PID1: variants seen among roughly 807,000 people sequenced by gnomAD.
PID1 encodes phosphotyrosine interaction domain containing 1.
Under a neutral mutation model 19.1 loss-of-function variants are expected in PID1, and 10 were observed. The ratio of observed to expected loss-of-function variants is 0.52; its 90% confidence interval spans 0.32 to 0.89. The LOEUF (loss-of-function observed/expected upper bound fraction) is 0.89. PID1 is among the 40% of genes least tolerant of loss of function. PID1 has a pLI of 0.03. For synonymous variants in PID1, 130 were observed against 116.0 expected (o/e 1.12, Z -0.78); for missense variants, 248 against 285.3 (o/e 0.87, Z 0.94).
chr2:229,215,741 C>G (rs73998590), intron 1 of PID1, among the ~76,000 whole-genome samples: 5,450 of 152,168 alleles, frequency 0.036, 284 homozygotes, highest in African/African-American at 0.12. Flanking sequence ...ACAGATATGG[C>G]AGAGAAATGT....
At chr2:229,206,694 C>T (rs1230560341) in intron 1 of PID1, among the ~76,000 whole-genome samples, 2 of 152,170 alleles carry the variant, frequency 1.3e-5, no homozygotes, top group Admixed American at 6.5e-5. Context: ...TATTGGTACC[C>T]GTAGTTCTAT....
chr2:229,261,475 G>A (rs149058032), intron 1 of PID1, among the ~76,000 whole-genome samples: 21 of 152,290 alleles, frequency 1.4e-4, no homozygotes, highest in African/African-American at 4.6e-4. Flanking sequence ...GCAGGATTCC[G>A]CTCTCACCTG....
intron 1 of PID1, among the ~76,000 whole-genome samples, chr2:229,164,439 C>T (rs1431136193): frequency 5.3e-5 from 8 of 152,180 alleles, no homozygotes; most frequent in African/African-American, 1.7e-4. Context: ...ACATGTCTGT[C>T]TGTCATTGCA....
In PID1 at chr2:229,220,338, G is replaced by C. The variant is rs956135318; in HGVS notation, c.30+50676C>G. On this transcript the variant is annotated intron_variant, in intron 1 of 2. Transcript: ENST00000392055. ...CAAGCAGCCAGGTGAGAGAGCCCCAGATGGAGGGGCATCCTTACTGCACAA... is the reference window on the plus strand; with the variant it reads ...CAAGCAGCCAGGTGAGAGAGCCCCACATGGAGGGGCATCCTTACTGCACAA... 3.9e-5 allele frequency among the ~76,000 whole-genome samples: 6 copies of C among 152,210 alleles called. No individual in the cohort carries two copies. The South Asian group carries it at 6.2e-4, about 16-fold the overall frequency.
chr2:229,133,482 T>A (rs2021750), intron 2 of PID1, among the ~76,000 whole-genome samples: 120,890 of 152,200 alleles, frequency 0.79, 48,152 homozygotes, highest in East Asian at 1. Flanking sequence ...AACCTCAAAT[T>A]TATTGCCTGG....
At chr2:229,030,331 T>C (rs1298256634) in intron 2 of PID1, among the ~76,000 whole-genome samples, 1 of 152,174 alleles carries the variant, frequency 6.6e-6, no homozygotes, top group East Asian at 1.9e-4. Flanking sequence ...GTTCTGGAGA[T>C]GGTTGGTGGT....
At chr2:229,163,611 A>G (rs1028052957) in intron 1 of PID1, among the ~76,000 whole-genome samples, 2 of 151,692 alleles carry the variant, frequency 1.3e-5, no homozygotes, top group African/African-American at 4.8e-5. Flanking sequence ...TGAAGGGCTC[A>G]CTTACTCAGT....
intron 1 of PID1, chr2:229,227,884 G>A (rs1692114759): frequency 4.6e-6 from 2 of 437,338 alleles, no homozygotes; most frequent in Admixed American, 2.4e-5. Flanking sequence ...GGTATTGTAA[G>A]TAATCTAGAG....
chr2:229,138,734 T>A (rs1689908003), intron 2 of PID1, among the ~76,000 whole-genome samples: 1 of 151,764 alleles, frequency 6.6e-6, no homozygotes, highest in African/African-American at 2.4e-5. Flanking sequence ...AGAAGAAACA[T>A]CCCCAGCTAG....
chr2:229,211,127 T>C (rs937868379), intron 1 of PID1, among the ~76,000 whole-genome samples: 29 of 152,092 alleles, frequency 1.9e-4, no homozygotes, highest in African/African-American at 6.8e-4. Flanking sequence ...AATGATGATA[T>C]ATAAAAGAGA....
rs116226493 is a variant in PID1 at position 229,179,014 on chromosome 2, A to T, written c.31-23050T>A. Among the ~76,000 whole-genome samples, 352 of 152,262 alleles carry T rather than the reference A, an allele frequency of 2.3e-3. 3 individuals are homozygous for T. The highest frequency in any genetic ancestry group is 8.2e-3 in the African/African-American group (339 of 41,558). On this transcript the variant is annotated intron_variant, in intron 1 of 2. Transcript: ENST00000392055. ...ACTCAGTCCAAAGAAATTGCATGTG[A>T]TCCCTTTAACCACTAACTCTTTCAC... is the stretch of plus-strand genomic sequence containing the variant.
chr2:229,105,797 T>G (rs1222191082), intron 2 of PID1, among the ~76,000 whole-genome samples: 1 of 152,046 alleles, frequency 6.6e-6, no homozygotes, highest in Non-Finnish European at 1.5e-5. Context: ...TCCAAGAACA[T>G]GGCTGGGCAC....
At chr2:229,116,284 G>C (rs949531314) in intron 2 of PID1, among the ~76,000 whole-genome samples, 1 of 152,122 alleles carries the variant, frequency 6.6e-6, no homozygotes, top group East Asian at 1.9e-4. Context: ...TTAGTAATGA[G>C]CCATTTAGTT....
At chr2:229,250,484 A>G (rs1230521704) in intron 1 of PID1, among the ~76,000 whole-genome samples, 1 of 152,230 alleles carries the variant, frequency 6.6e-6, no homozygotes. Context: ...AAAAAGCACA[A>G]AGGTTCTACG....
chr2:229,258,500 T>A (rs147466164), intron 1 of PID1, among the ~76,000 whole-genome samples: 258 of 152,270 alleles, frequency 1.7e-3, no homozygotes, highest in Middle Eastern at 3.4e-3. Flanking sequence ...ATTGTTTAGT[T>A]CTCCCAACAT....
chr2:229,043,508 C>A (rs887502048), intron 2 of PID1, among the ~76,000 whole-genome samples: 1 of 152,132 alleles, frequency 6.6e-6, no homozygotes, highest in African/African-American at 2.4e-5. Flanking sequence ...AAGAGCGAAG[C>A]GGACTCAGGA....
intron 2 of PID1, among the ~76,000 whole-genome samples, chr2:229,129,437 G>A (rs1239124533): frequency 6.7e-6 from 1 of 150,218 alleles, no homozygotes; most frequent in Non-Finnish European, 1.5e-5. Context: ...AAAAGAGAGA[G>A]AGAGGCTCAT....
At chr2:229,197,133 A>G (rs1691394228) in intron 1 of PID1, among the ~76,000 whole-genome samples, 2 of 152,074 alleles carry the variant, frequency 1.3e-5, no homozygotes, top group Non-Finnish European at 2.9e-5. Flanking sequence ...TAGGATACAA[A>G]GGTGAAATAA....
At chr2:229,217,294 C>G (rs966652987) in intron 1 of PID1, among the ~76,000 whole-genome samples, 3 of 152,174 alleles carry the variant, frequency 2.0e-5, no homozygotes, top group African/African-American at 7.2e-5. Context: ...GTTTATGGGT[C>G]TTTTAAAATA....
Sources: gnomAD v4.1 joint callset for allele counts (sites outside exome capture counted in the v4.1 genomes callset) on GRCh38, gnomAD v4.1.1 for gene constraint, MANE v1.5 for transcripts, NCBI Gene and HGNC (gene_info 2026-07-23, HGNC 2026-07-21) for gene names.